The following KLHL20 variants were observed in gnomAD, a reference collection of about 807,000 sequenced individuals.
The protein encoded by KLHL20 is kelch-like protein 20.
KLHL20 carries 29 observed loss-of-function variants against 69.5 expected under a neutral mutation model. That is an observed-to-expected ratio of 0.42 (90% CI 0.31 to 0.57). KLHL20 has a LOEUF of 0.57. Among genes scored for constraint, KLHL20 ranks in the 20% least tolerant of loss-of-function variants. KLHL20 has a pLI of 0.18. For synonymous variants in KLHL20, 253 were observed against 265.2 expected (o/e 0.95, Z 0.45); for missense variants, 419 against 776.0 (o/e 0.54, Z 5.47).
In KLHL20 at chr1:173,758,149, G is replaced by A. The variant is rs1571906102; in HGVS notation, c.1151+990G>A. The stretch of plus-strand genomic sequence containing the variant: ...ACTAGTTGTAGTGGTGCACGCCTGT[G>A]AGTCCCAGCTACTCAGGAGACTGAG... On this transcript the variant is annotated intron_variant, in intron 7 of 11. Coordinates refer to ENST00000209884, the MANE Select transcript of KLHL20 (RefSeq NM_014458.4). 3.9e-5 allele frequency among the ~76,000 whole-genome samples: 6 copies of A among 151,900 alleles called. 1 individual carries two copies. The highest frequency in any genetic ancestry group is 3.9e-4 in the Admixed American group (6 of 15,246).
At chr1:173,767,029 G>A (rs1484279395) in intron 8 of KLHL20, among the ~76,000 whole-genome samples, 2 of 151,950 alleles carry the variant, frequency 1.3e-5, no homozygotes, top group African/African-American at 4.8e-5. Flanking sequence ...CTGAAATTTT[G>A]TACTCATTTA....
chr1:173,729,418 C>T (rs1672144205), intron 2 of KLHL20, among the ~76,000 whole-genome samples: 1 of 151,994 alleles, frequency 6.6e-6, no homozygotes, highest in Admixed American at 6.6e-5. Flanking sequence ...GAGACACAAC[C>T]AAAAAAGAGA....
chr1:173,736,331 A>G (rs556488455), intron 3 of KLHL20, among the ~76,000 whole-genome samples: 60 of 152,130 alleles, frequency 3.9e-4, no homozygotes, highest in African/African-American at 1.3e-3. Context: ...CCACTTGTTG[A>G]TTGATGGGCA....
intron 8 of KLHL20, among the ~76,000 whole-genome samples, chr1:173,767,505 A>G (rs774493432): frequency 1.6e-4 from 25 of 152,150 alleles, no homozygotes; most frequent in Non-Finnish European, 2.4e-4. Context: ...ATTCTCATCA[A>G]TGGTATGCAG....
At chr1:173,734,342 A>G in intron 3 of KLHL20, 56 bp downstream of exon 3, 1 of 1,411,954 alleles carries the variant, frequency 7.1e-7, no homozygotes, top group Non-Finnish European at 1.0e-6. Context: ...ATATGGGTTC[A>G]CATTCTGCTA....
chr1:173,781,585 A>G (rs375420568), intron 10 of KLHL20, among the ~76,000 whole-genome samples: 1 of 152,132 alleles, frequency 6.6e-6, no homozygotes, highest in African/African-American at 2.4e-5. Context: ...CAAAGTGAGA[A>G]AGTTTTTAGA....
At chr1:173,724,959 G>T (rs1322081614) in intron 2 of KLHL20, among the ~76,000 whole-genome samples, 1 of 151,986 alleles carries the variant, frequency 6.6e-6, no homozygotes, top group Admixed American at 6.6e-5. Flanking sequence ...GATGATATAA[G>T]TTCACTTTGT....
At chr1:173,722,944 C>T (rs1419894365) in intron 2 of KLHL20, among the ~76,000 whole-genome samples, 1 of 152,112 alleles carries the variant, frequency 6.6e-6, no homozygotes, top group Non-Finnish European at 1.5e-5. Flanking sequence ...GCCACCTCTG[C>T]CTCCCAAAGT....
intron 2 of KLHL20, 81 bp downstream of exon 2, chr1:173,716,147 C>T (rs1277390505): frequency 2.2e-6 from 3 of 1,353,320 alleles, no homozygotes; most frequent in African/African-American, 2.9e-5. Flanking sequence ...AAAAGAGTTT[C>T]AATCTTACTA....
At chr1:173,745,546 G>A (rs1673018804) in intron 3 of KLHL20, among the ~76,000 whole-genome samples, 1 of 151,844 alleles carries the variant, frequency 6.6e-6, no homozygotes, top group African/African-American at 2.4e-5. Flanking sequence ...CTTCTAACTG[G>A]TAATCATTAA....
intron 2 of KLHL20, among the ~76,000 whole-genome samples, chr1:173,726,181 C>G (rs1558182004): frequency 6.6e-6 from 1 of 152,174 alleles, no homozygotes; most frequent in Non-Finnish European, 1.5e-5. Flanking sequence ...CACTGTAAAG[C>G]AGCAGCGAGG....
intron 3 of KLHL20, among the ~76,000 whole-genome samples, chr1:173,741,090 C>T (rs760742573): frequency 3.9e-5 from 6 of 152,200 alleles, no homozygotes; most frequent in African/African-American, 9.7e-5. Context: ...TTCAGGTTCA[C>T]CAGTGAGGAT....
intron 7 of KLHL20, among the ~76,000 whole-genome samples, chr1:173,763,585 CACTT>C (rs75999152): frequency 3.3e-5 from 5 of 151,882 alleles, no homozygotes; most frequent in African/African-American, 7.3e-5. Flanking sequence ...TAAACCCAAA[CACTT>C]ACAGCCAACT....
Position 173,755,947 on chromosome 1 carries a change from C to T in KLHL20, c.876C>T (p.Asn292=). 1 of 1,613,872 alleles carries T rather than the reference C, an allele frequency of 6.2e-7. No homozygotes were observed. Among genetic ancestry groups the T allele is most frequent in the Non-Finnish European group, 8.5e-7 (1 of 1,179,886 alleles). The change falls in exon 6 of 12, where the codon AAC becomes AAT. Residue 292 remains asparagine (N), a synonymous_variant. Coordinates refer to ENST00000209884, the MANE Select transcript of KLHL20 (RefSeq NM_014458.4). ...ECRDLVDEAK[N]YLLLPQERPL... ...GAGACTTGGTAGATGAGGCTAAAAA[C>T]TACCTCCTATTGCCGCAAGAACGAC... is the stretch of plus-strand genomic sequence containing the variant.
rs5779440 is a variant in KLHL20, at chr1:173,769,780, C to CAA, written c.1295+3511_1295+3512dup. Among the ~76,000 whole-genome samples the CAA allele has an allele frequency of 9.5e-3, 824 of 86,924 alleles. 11 individuals are homozygous for CAA. Among genetic ancestry groups the CAA allele is most frequent in the African/African-American group, 0.017 (423 of 24,570 alleles). 57.0% of individuals were successfully genotyped at this position (86,924 alleles called of 152,430 possible). A position where few individuals can be genotyped will look rare whatever the true frequency, so the allele number is the denominator to read the frequency against. ...AGGGTAATAGAGTGAGACCCTGTCT[C>CAA]AAAAAAAAAAAAAAAAAAAAATTTA... On this transcript the variant is annotated intron_variant, in intron 8 of 11. Transcript: ENST00000209884.
chr1:173,784,907 A>G (rs957588226), intron 11 of KLHL20, among the ~76,000 whole-genome samples: 1 of 152,194 alleles, frequency 6.6e-6, no homozygotes, highest in Non-Finnish European at 1.5e-5. Context: ...CGTGAATATG[A>G]TGCTCTCTTA....
intron 8 of KLHL20, among the ~76,000 whole-genome samples, chr1:173,771,396 C>T (rs909302476): frequency 2.0e-5 from 3 of 151,928 alleles, no homozygotes; most frequent in Admixed American, 1.3e-4. Context: ...AGAGCAAGAC[C>T]GTGTCTCTTA....
chr1:173,780,509 G>A (rs181247034), intron 10 of KLHL20, among the ~76,000 whole-genome samples: 41 of 152,196 alleles, frequency 2.7e-4, no homozygotes, highest in Admixed American at 1.4e-3. Flanking sequence ...GGCCAGGTGC[G>A]GTGGCTCATG....
chr1:173,750,488 CTT>C (rs61411580), intron 3 of KLHL20, among the ~76,000 whole-genome samples: 77 of 139,932 alleles, frequency 5.5e-4, no homozygotes, highest in African/African-American at 7.1e-4. Context: ...TTTTCTTTTT[CTT>C]TTTTTTTTTT....
Sources: allele counts gnomAD v4.1 joint callset (sites outside exome capture counted in the v4.1 genomes callset), GRCh38; gene constraint gnomAD v4.1.1; transcripts MANE v1.5; gene names NCBI Gene and HGNC (gene_info 2026-07-23, HGNC 2026-07-21).